RUSC1: variants seen among roughly 807,000 people sequenced by gnomAD.
RUSC1 encodes RUN and SH3 domain containing 1, also known as AP-4 complex accessory subunit RUSC1.
RUSC1 carries 40 observed loss-of-function variants against 72.1 expected under a neutral mutation model. That is an observed-to-expected ratio of 0.55 (90% CI 0.43 to 0.72). The LOEUF (loss-of-function observed/expected upper bound fraction) is 0.72. Ranked by LOEUF, RUSC1 falls within the 30% of genes least tolerant of loss-of-function variation. The pLI, the probability that RUSC1 is intolerant of heterozygous loss-of-function variation, is 0.00. For synonymous variants in RUSC1, 512 were observed against 494.2 expected (o/e 1.04, Z -0.48); for missense variants, 1,092 against 1,172.3 (o/e 0.93, Z 1.00).
intron 8 of RUSC1, among the ~76,000 whole-genome samples, chr1:155,327,418 C>A (rs532741334): frequency 6.9e-4 from 105 of 152,204 alleles, no homozygotes; most frequent in African/African-American, 2.5e-3. Context: ...ATACTCAAAT[C>A]CTACAGTTGA....
chr1:155,326,663 C>A lies in RUSC1; in HGVS notation c.1945C>A (p.Leu649Ile). ...GCPSLSTELL[L>I]LLQPLSVLTF... is the part of the protein sequence containing the mutation. ...TCCCTCCCTGTCCACAGAGCTGCTG[C>A]TCCTGCTGCAGCCATTGTCGGTGCT... Residue 649 changes from leucine (L) to isoleucine (I), a missense_variant, in exon 8 of 10, where the codon CTC becomes ATC. Transcript: ENST00000368352. This position sits in a 1 kb window ranked among gnomAD's most constrained non-coding sequence, Gnocchi z 4.7. 6.2e-7 allele frequency: 1 copy of A among 1,613,946 alleles called. No individual in the cohort carries two copies. Among genetic ancestry groups the A allele is most frequent in the Non-Finnish European group, 8.5e-7 (1 of 1,180,042 alleles).
Position 155,323,131 on chromosome 1 carries a change from G to C in RUSC1, c.1357+1G>C. 1.4e-6 allele frequency: 2 copies of C among 1,407,198 alleles called. No individual in the cohort carries two copies. The highest frequency in any genetic ancestry group is 1.8e-6 in the Non-Finnish European group (2 of 1,087,328). The allele number at this position is 1,407,198 out of a possible 1,614,324, so 87.2% of individuals were successfully genotyped here. A position where few individuals can be genotyped will look rare whatever the true frequency, so the allele number is the denominator to read the frequency against. ...CCGGGCGCGCAGGCCGGCCTGGAGG[G>C]TAAGAGGTCGCAAGAAGCGGGAGGA... On this transcript the variant is annotated splice_donor_variant, in intron 2 of 9. Coordinates refer to ENST00000368352, the MANE Select transcript of RUSC1 (RefSeq NM_001105203.2). LOFTEE classifies it high-confidence loss of function.
At chr1:155,327,758 TGCTGCATTCCA>T (rs1239436716) in intron 8 of RUSC1, among the ~76,000 whole-genome samples, 1 of 152,174 alleles carries the variant, frequency 6.6e-6, no homozygotes, top group Non-Finnish European at 1.5e-5. Context: ...GTAATCACAC[TGCTGCATTCCA>T]GCCTGGGCGA....
At chr1:155,324,203 T>A in intron 2 of RUSC1, 2 of 1,405,740 alleles carry the variant, frequency 1.4e-6, no homozygotes, top group Non-Finnish European at 1.9e-6. Flanking sequence ...TAGGGAGGGG[T>A]GGAGGGTGAA....
At position 155,321,800 on chromosome 1, in the gene RUSC1, C is replaced by G; in HGVS notation, c.27C>G (p.Leu9=). 6.2e-7 allele frequency: 1 copy of G among 1,614,006 alleles called. No individual in the cohort carries two copies. The highest frequency in any genetic ancestry group is 1.1e-5 in the South Asian group (1 of 91,090). MLSPQRAL[L]CNLNHIHLQH... is the part of the protein sequence containing the mutation. ...TGCTGTCCCCTCAGAGAGCTTTACT[C>G]TGCAACCTCAACCACATCCACCTCC... Residue 9 remains leucine (L), a synonymous_variant, in exon 2 of 10, where the codon CTC becomes CTG. Transcript: ENST00000368352.
chr1:155,322,841 G>A lies in RUSC1; in HGVS notation c.1068G>A (p.Gly356=), dbSNP rs764488584. ...FSPDTELPPS[G]SPGGSSAPPR... ...CCGACACCGAGCTCCCCCCCTCGGGGTCGCCGGGCGGCTCCTCGGCACCTC... is the reference window on the plus strand; with the variant it reads ...CCGACACCGAGCTCCCCCCCTCGGGATCGCCGGGCGGCTCCTCGGCACCTC... Residue 356 remains glycine, a synonymous_variant, in exon 2 of 10, where the codon GGG becomes GGA. Transcript: ENST00000368352. 5 of 1,613,266 alleles carry A rather than the reference G, an allele frequency of 3.1e-6. No homozygotes were observed. The highest frequency in any genetic ancestry group is 1.3e-5 in the African/African-American group (1 of 74,942).
At chr1:155,324,734 C>A in intron 2 of RUSC1, 111 bp from the exon 3 acceptor site, 1 of 1,587,640 alleles carries the variant, frequency 6.3e-7, no homozygotes, top group Non-Finnish European at 8.6e-7. Flanking sequence ...CTCCCCAAGA[C>A]CCTTCGGGGA....
Position 155,326,189 on chromosome 1 carries a change from G to A in RUSC1, c.1861+279G>A. ...CCTGCTCCAGGGCCCTGCTTATGCT[G>A]TTCCTCTACCTTCTGCCCCTCCTGC... On this transcript the variant is annotated intron_variant, in intron 7 of 9. Transcript: ENST00000368352. This position sits in a 1 kb window ranked among gnomAD's most constrained non-coding sequence, Gnocchi z 4.7. 1 of 570,326 alleles carries A rather than the reference G, an allele frequency of 1.8e-6. No homozygotes were observed. Among genetic ancestry groups the A allele is most frequent in the South Asian group, 2.1e-5 (1 of 47,500 alleles). 35.3% of individuals were successfully genotyped at this position (570,326 alleles called of 1,614,324 possible). A position where few individuals can be genotyped will look rare whatever the true frequency, so the allele number is the denominator to read the frequency against.
At chr1:155,323,165 C>T (rs1650803481) in intron 2 of RUSC1, 35 bp downstream of exon 2, 2 of 1,399,872 alleles carry the variant, frequency 1.4e-6, no homozygotes, top group African/African-American at 3.0e-5. Context: ...GAGGGCTGGG[C>T]TTCGGCCGCT....
rs780807973 is a variant in RUSC1 at position 155,326,809 on chromosome 1, C to A, written c.2091C>A (p.His697Gln). The part of the protein sequence containing the change: ...ALQQTMQAML[H>Q]FGGRLAQSLR... ...AGCAGACTATGCAAGCCATGCTGCA[C>A]TTTGGGGGCCGGCTGGCCCAGAGCC... is the stretch of plus-strand genomic sequence containing the variant. Residue 697 changes from histidine to glutamine, a missense_variant, in exon 8 of 10, where the codon CAC becomes CAA. By Grantham distance (24) the His-to-Gln change is conservative. Coordinates refer to ENST00000368352, the MANE Select transcript of RUSC1 (RefSeq NM_001105203.2). This position sits in a 1 kb window ranked among gnomAD's most constrained non-coding sequence, Gnocchi z 4.7. 6.2e-7 allele frequency: 1 copy of A among 1,613,418 alleles called. No homozygotes were observed. The highest frequency in any genetic ancestry group is 2.2e-5 in the East Asian group (1 of 44,890).
intron 8 of RUSC1, 104 bp downstream of exon 8, chr1:155,327,236 C>T (rs969269783): frequency 4.9e-6 from 6 of 1,229,480 alleles, no homozygotes; most frequent in South Asian, 1.6e-5. Context: ...CAGAGATTGG[C>T]GGTCTGTTTT....
chr1:155,325,605 G>T lies in RUSC1; in HGVS notation c.1747G>T (p.Val583Phe). The stretch of plus-strand genomic sequence containing the variant: ...CTCCCTTGGAACCCTGTATAGCCAG[G>T]TCAGCCGTCTAGCCCCGCTGAGCAG... Reference protein sequence around the residue: ...TRSLGTLYSQVSRLAPLSSSR... With the variant: ...TRSLGTLYSQFSRLAPLSSSR... Residue 583 changes from valine to phenylalanine, a missense_variant, in exon 6 of 10, where the codon GTC (valine) becomes TTC (phenylalanine). Coordinates refer to ENST00000368352, the MANE Select transcript of RUSC1 (RefSeq NM_001105203.2). The surrounding 1 kb of genome is among the most constrained non-coding windows in gnomAD (Gnocchi z 6.5). The T allele has an allele frequency of 6.2e-7, 1 of 1,612,526 alleles. No individual in the cohort carries two copies. The highest frequency in any genetic ancestry group is 8.5e-7 in the Non-Finnish European group (1 of 1,179,990).
At chr1:155,324,030 G>C in intron 2 of RUSC1, 5 of 1,059,278 alleles carry the variant, frequency 4.7e-6, no homozygotes, top group Non-Finnish European at 4.6e-6. Flanking sequence ...CCGTGGGCCG[G>C]CCCCCTCTCC....
chr1:155,324,993 G>GC, intron 3 of RUSC1, 50 bp downstream of exon 3: 1 of 1,613,770 alleles, frequency 6.2e-7, no homozygotes, highest in Non-Finnish European at 8.5e-7. Flanking sequence ...ACTGCCCTTC[G>GC]CCCCCGGCCC....
rs758083611 is a variant in RUSC1, at chr1:155,325,361, G to C, written c.1579G>C (p.Val527Leu). 6.3e-7 allele frequency: 1 copy of C among 1,598,058 alleles called. No individual in the cohort carries two copies. Among genetic ancestry groups the C allele is most frequent in the Non-Finnish European group, 8.5e-7 (1 of 1,176,624 alleles). ...GCTGAGCCCGGATGTGGGGCACCTG[G>C]TGCTGACCACCCTCTGCCCGGCCCT... ...SRLSPDVGHL[V>L]LTTLCPALHA... The change falls in exon 5 of 10, where the codon GTG (valine) becomes CTG (leucine). Residue 527 changes from valine to leucine, a missense_variant. By Grantham distance (32) the Val-to-Leu change is conservative. Coordinates refer to ENST00000368352, the MANE Select transcript of RUSC1 (RefSeq NM_001105203.2). This position sits in a 1 kb window ranked among gnomAD's most constrained non-coding sequence, Gnocchi z 6.5.
Position 155,324,862 on chromosome 1 carries a change from T to C in RUSC1, c.1375T>C (p.Phe459Leu), listed in dbSNP as rs1323608423. Residue 459 changes from phenylalanine to leucine, a missense_variant, in exon 3 of 10, where the codon TTC becomes CTC. Phe to Leu is a conservative substitution (Grantham distance 22). Transcript: ENST00000368352. ...AGLEVRSSWS[F>L]AGVPGAQRLW... ...TACGCCAGTCCGTAGTTCGTGGTCC[T>C]TCGCCGGTGTCCCCGGAGCCCAGCG... The C allele has an allele frequency of 1.2e-6, 2 of 1,614,118 alleles. No individual in the cohort carries two copies. The highest frequency in any genetic ancestry group is 2.7e-5 in the African/African-American group (2 of 74,948).
At chr1:155,328,092 AGGGTTCTT>A (rs1379296808) in intron 8 of RUSC1, 50 bp from the exon 9 acceptor site, 1 of 1,571,550 alleles carries the variant, frequency 6.4e-7, no homozygotes, top group Non-Finnish European at 8.6e-7. Flanking sequence ...TCCAAACCCC[AGGGTTCTT>A]GGGTTTTCTG....
chr1:155,323,069 C>T lies in RUSC1; in HGVS notation c.1296C>T (p.Ser432=). 2 of 1,433,642 alleles carry T rather than the reference C, an allele frequency of 1.4e-6. No individual in the cohort carries two copies. The highest frequency in any genetic ancestry group is 3.0e-5 in the South Asian group (2 of 66,828). The allele number at this position is 1,433,642 out of a possible 1,614,324, so 88.8% of individuals were successfully genotyped here. The part of the protein sequence containing the change: ...EGQSEEGRAV[S]PAAGEEAPAA... The stretch of plus-strand genomic sequence containing the variant: ...AGTCCGAGGAGGGCCGGGCTGTCAG[C>T]CCAGCGGCTGGCGAGGAGGCCCCAG... The change falls in exon 2 of 10, where the codon AGC becomes AGT. Residue 432 remains serine (S), a synonymous_variant. Coordinates refer to ENST00000368352, the MANE Select transcript of RUSC1 (RefSeq NM_001105203.2).
In RUSC1 at chr1:155,322,481, A is replaced by G. The variant is rs767472833; in HGVS notation, c.708A>G (p.Lys236=). ...GTTGGAAGATTAACCCAATTTGGAA[A>G]ATTGACACAGAGAAAACTAAAGCTG... ...EPSWKINPIW[K]IDTEKTKAEW... is the part of the protein sequence containing the mutation. The change falls in exon 2 of 10, where the codon AAA becomes AAG. Residue 236 remains lysine (K), a synonymous_variant. Transcript: ENST00000368352. 6 of 1,613,564 alleles carry G rather than the reference A, an allele frequency of 3.7e-6. No homozygotes were observed. The highest frequency in any genetic ancestry group is 5.1e-6 in the Non-Finnish European group (6 of 1,179,668).
Sources: allele counts gnomAD v4.1 joint callset (sites outside exome capture counted in the v4.1 genomes callset), GRCh38; gene constraint gnomAD v4.1.1; non-coding constraint Gnocchi (gnomAD v3.1); transcripts MANE v1.5; gene names NCBI Gene and HGNC (gene_info 2026-07-23, HGNC 2026-07-21).